The following VAV3 variants were observed in gnomAD, a reference collection of about 807,000 sequenced individuals.
The protein encoded by VAV3 is vav guanine nucleotide exchange factor 3.
Under a neutral mutation model 131.2 loss-of-function variants are expected in VAV3, and 94 were observed. That is an observed-to-expected ratio of 0.72 (90% CI 0.61 to 0.85). The LOEUF (loss-of-function observed/expected upper bound fraction) is 0.85, where lower values mean the gene tolerates loss of function less well. VAV3 is among the 40% of genes least tolerant of loss of function. The pLI is 0.00. For synonymous variants in VAV3, 349 were observed against 342.0 expected (o/e 1.02, Z -0.22); for missense variants, 939 against 1,002.7 (o/e 0.94, Z 0.86).
intron 20 of VAV3, among the ~76,000 whole-genome samples, chr1:107,638,860 A>G (rs1181777782): frequency 6.6e-6 from 1 of 152,184 alleles, no homozygotes; most frequent in African/African-American, 2.4e-5. Flanking sequence ...ATAACAGTCC[A>G]GAAACAGACC....
intron 2 of VAV3, among the ~76,000 whole-genome samples, chr1:107,860,107 T>C (rs1669667271): frequency 6.6e-6 from 1 of 152,124 alleles, no homozygotes; most frequent in South Asian, 2.1e-4. Context: ...AGTAGATGAA[T>C]CAAATATGGT....
intron 22 of VAV3, among the ~76,000 whole-genome samples, chr1:107,605,083 T>C (rs1474090368): frequency 6.6e-6 from 1 of 152,218 alleles, no homozygotes; most frequent in African/African-American, 2.4e-5. Flanking sequence ...TCAAAGAATA[T>C]CTGCCCTCCA....
chr1:107,927,631 G>A (rs1673225862), intron 1 of VAV3, among the ~76,000 whole-genome samples: 1 of 152,098 alleles, frequency 6.6e-6, no homozygotes, highest in Admixed American at 6.5e-5. Flanking sequence ...GAAAACATTG[G>A]TGGTAGTCCC....
intron 21 of VAV3, among the ~76,000 whole-genome samples, chr1:107,615,924 G>A (rs1397278576): frequency 6.6e-6 from 1 of 152,068 alleles, no homozygotes; most frequent in African/African-American, 2.4e-5. Flanking sequence ...CAGTAAGAAT[G>A]GCTTTTATTA....
intron 1 of VAV3, among the ~76,000 whole-genome samples, chr1:107,915,898 G>C (rs549821135): frequency 1.8e-3 from 276 of 152,142 alleles, no homozygotes; most frequent in Non-Finnish European, 2.9e-3. Flanking sequence ...ATGTGGTCTA[G>C]TAGGAAAATT....
chr1:107,927,418 G>T (rs112225044), intron 1 of VAV3, among the ~76,000 whole-genome samples: 366 of 152,088 alleles, frequency 2.4e-3, no homozygotes, highest in East Asian at 9.1e-3. Flanking sequence ...AAAAGAAGAG[G>T]AAATAGCAAA....
intron 13 of VAV3, among the ~76,000 whole-genome samples, chr1:107,749,938 C>G (rs140180363): frequency 2.3e-3 from 352 of 152,182 alleles, no homozygotes; most frequent in East Asian, 8.1e-3. Flanking sequence ...AGCTAAAAAC[C>G]TATAGAATAA....
intron 15 of VAV3, among the ~76,000 whole-genome samples, chr1:107,706,606 T>C (rs1176056169): frequency 2.6e-5 from 4 of 152,172 alleles, no homozygotes; most frequent in Non-Finnish European, 5.9e-5. Flanking sequence ...CAGGAACATA[T>C]AAGGATCTAG....
intron 15 of VAV3, 40 bp downstream of exon 15, chr1:107,748,928 T>C: frequency 1.4e-6 from 2 of 1,384,222 alleles, no homozygotes; most frequent in Non-Finnish European, 2.0e-6. Flanking sequence ...GTGATTTAAC[T>C]AGTAAAAATA....
intron 21 of VAV3, among the ~76,000 whole-genome samples, chr1:107,611,602 A>AG (rs1398185542): frequency 7.0e-6 from 1 of 142,378 alleles, no homozygotes. Flanking sequence ...GAACCAAAAA[A>AG]AAAAAACAAA....
chr1:107,914,165 C>T (rs527726111), intron 1 of VAV3, among the ~76,000 whole-genome samples: 1 of 152,150 alleles, frequency 6.6e-6, no homozygotes, highest in African/African-American at 2.4e-5. Context: ...AGATGACAGA[C>T]AGATGAATGT....
At chr1:107,600,833 G>T (rs186715352) in intron 24 of VAV3, among the ~76,000 whole-genome samples, 5 of 152,252 alleles carry the variant, frequency 3.3e-5, no homozygotes, top group East Asian at 1.9e-4. Flanking sequence ...TTTCAGTGAC[G>T]ATTCCTTTCA....
At chr1:107,890,120 T>C (rs1351652668) in intron 1 of VAV3, among the ~76,000 whole-genome samples, 1 of 152,172 alleles carries the variant, frequency 6.6e-6, no homozygotes, top group Non-Finnish European at 1.5e-5. Context: ...TATCAATGCT[T>C]AGGTTTTGCA....
At chr1:107,621,069 T>C (rs913731114) in intron 20 of VAV3, among the ~76,000 whole-genome samples, 2 of 149,940 alleles carry the variant, frequency 1.3e-5, no homozygotes, top group African/African-American at 4.9e-5. Flanking sequence ...CAAGTACACA[T>C]GGTCATCATA....
intron 15 of VAV3, among the ~76,000 whole-genome samples, chr1:107,732,638 A>G (rs72979631): frequency 0.029 from 4,444 of 152,290 alleles, 207 homozygotes; most frequent in African/African-American, 0.096. Flanking sequence ...ATTGAGCTGC[A>G]AGGCGGCAGA....
chr1:107,662,446 C>A (rs1019360638), intron 19 of VAV3, among the ~76,000 whole-genome samples: 7 of 152,242 alleles, frequency 4.6e-5, no homozygotes, highest in African/African-American at 1.4e-4. Flanking sequence ...ACAATAATGT[C>A]ACAGGGATAT....
At chr1:107,841,504 A>G (rs1237688982) in intron 2 of VAV3, among the ~76,000 whole-genome samples, 1 of 152,190 alleles carries the variant, frequency 6.6e-6, no homozygotes, top group African/African-American at 2.4e-5. Flanking sequence ...TGAGAAAACA[A>G]TCTTTCTCCA....
At chr1:107,573,424 C>G in intron 26 of VAV3, 52 bp from the exon 27 acceptor site, 1 of 1,607,346 alleles carries the variant, frequency 6.2e-7, no homozygotes, top group South Asian at 1.1e-5. Flanking sequence ...TCTGACACTT[C>G]AAAGGATTCT....
chr1:107,952,652 C>A (rs985232913), intron 1 of VAV3, among the ~76,000 whole-genome samples: 1 of 151,684 alleles, frequency 6.6e-6, no homozygotes, highest in Non-Finnish European at 1.5e-5. Context: ...TTTAGCCATG[C>A]CCATTCACTC....
Sources: allele counts gnomAD v4.1 joint callset (sites outside exome capture counted in the v4.1 genomes callset), GRCh38; gene constraint gnomAD v4.1.1; transcripts MANE v1.5; gene names NCBI Gene and HGNC (gene_info 2026-07-23, HGNC 2026-07-21).